Variants in TGM2 observed in about 807,000 individuals in gnomAD.
The protein encoded by TGM2 is transglutaminase 2, also known as protein-glutamine gamma-glutamyltransferase 2.
TGM2 carries 53 observed loss-of-function variants against 75.6 expected under a neutral mutation model. That is an observed-to-expected ratio of 0.70 (90% CI 0.56 to 0.88). The LOEUF (loss-of-function observed/expected upper bound fraction) is 0.88. TGM2 is among the 40% of genes least tolerant of loss of function. The pLI is 0.00. For synonymous variants in TGM2, 374 were observed against 381.1 expected (o/e 0.98, Z 0.22); for missense variants, 842 against 928.5 (o/e 0.91, Z 1.21).
At chr20:38,132,117 C>T (rs1482907902) in intron 11 of TGM2, among the ~76,000 whole-genome samples, 2 of 152,104 alleles carry the variant, frequency 1.3e-5, no homozygotes, top group Non-Finnish European at 2.9e-5. Flanking sequence ...TTCCATGACC[C>T]TAACACTCTG....
intron 12 of TGM2, 135 bp downstream of exon 12, chr20:38,130,957 TG>T: frequency 7.2e-7 from 1 of 1,388,630 alleles, no homozygotes; most frequent in Non-Finnish European, 9.9e-7. Flanking sequence ...CCAGGGTGTC[TG>T]GGAGTGGGCA....
intron 2 of TGM2, among the ~76,000 whole-genome samples, chr20:38,156,958 G>A (rs1369797712): frequency 6.6e-6 from 1 of 152,162 alleles, no homozygotes; most frequent in East Asian, 1.9e-4. Context: ...GCACAGTGAT[G>A]GGCACACTCT....
chr20:38,142,244 C>A (rs200954087), intron 6 of TGM2, 45 bp from the exon 7 acceptor site: 6 of 1,610,674 alleles, frequency 3.7e-6, no homozygotes, highest in Admixed American at 3.3e-5. Context: ...TGGAGACATC[C>A]GCCCTGCTCT....
chr20:38,147,036 C>T lies in TGM2; in HGVS notation c.682-142G>A, dbSNP rs901631881. 3.1e-5 allele frequency: 26 copies of T among 841,692 alleles called. 1 individual carries two copies. Among genetic ancestry groups the T allele is most frequent in the Admixed American group, 2.1e-5 (1 of 47,366 alleles). 52.1% of individuals were successfully genotyped at this position (841,692 alleles called of 1,614,324 possible). Reference sequence around the variant, plus strand: ...GAAAGAGCAGGTGCAAAGGGGCCATCGTGTGACAGACTGGTGTGCGGCAGA... The same window carrying T: ...GAAAGAGCAGGTGCAAAGGGGCCATTGTGTGACAGACTGGTGTGCGGCAGA... On this transcript the variant is annotated intron_variant, in intron 5 of 12. Coordinates refer to ENST00000361475, the MANE Select transcript of TGM2 (RefSeq NM_004613.4).
intron 12 of TGM2, 133 bp downstream of exon 12, chr20:38,130,960 G>C: frequency 1.4e-6 from 2 of 1,401,504 alleles, no homozygotes; most frequent in Non-Finnish European, 2.0e-6. Flanking sequence ...GGGTGTCTGG[G>C]AGTGGGCACA....
chr20:38,130,360 G>A lies in TGM2; in HGVS notation c.1923C>T (p.Pro641=), dbSNP rs2229472. Residue 641 remains proline, a synonymous_variant, in exon 13 of 13, where the codon CCC becomes CCT. Transcript: ENST00000361475. ...CCTTAACTTCCTCCCCTGCCTCCAC[G>A]GGGTCTGGGCTGCAGGGAGAGAGGG... ...EEQKTVEIPD[P]VEAGEEVKVR... The A allele has an allele frequency of 2.1e-3, 3,418 of 1,592,258 alleles. 55 individuals carry two copies. In the African/African-American group the frequency reaches 0.038, roughly 18 times the overall value.
chr20:38,135,123 A>G (rs1196696745), intron 10 of TGM2, among the ~76,000 whole-genome samples: 1 of 152,244 alleles, frequency 6.6e-6, no homozygotes, highest in African/African-American at 2.4e-5. Context: ...CCAGTGCGGA[A>G]CAATGCTCTC....
intron 2 of TGM2, among the ~76,000 whole-genome samples, chr20:38,158,164 C>A (rs962223753): frequency 1.3e-5 from 2 of 152,258 alleles, no homozygotes; most frequent in Admixed American, 1.3e-4. Flanking sequence ...TCATCACTGT[C>A]GCTGTTGACA....
Position 38,160,431 on chromosome 20 carries a change from C to T in TGM2, c.190+989G>A, listed in dbSNP as rs569307573. ...GGTGTCCCTTTACCTATCCCTGGGG[C>T]CCCAGTACAAAGATAAGTAACAGCT... On this transcript the variant is annotated intron_variant, in intron 2 of 12. Transcript: ENST00000361475. 2.1e-3 allele frequency among the ~76,000 whole-genome samples: 326 copies of T among 152,320 alleles called. 1 individual carries two copies. The highest frequency in any genetic ancestry group is 0.01 in the Middle Eastern group (3 of 294).
Position 38,128,977 on chromosome 20 carries a change from G to A in TGM2, c.*1242C>T, listed in dbSNP as rs1259426189. On this transcript the variant is annotated 3_prime_UTR_variant, in exon 13 of 13. Coordinates refer to ENST00000361475, the MANE Select transcript of TGM2 (RefSeq NM_004613.4). ...TCATGGGTAGAGCAGGGGTGTCCAGGGCTCTTCTCCCCTAGAACTGGGGTC... is the reference window on the plus strand; with the variant it reads ...TCATGGGTAGAGCAGGGGTGTCCAGAGCTCTTCTCCCCTAGAACTGGGGTC... 1 of 152,482 alleles carries A rather than the reference G, an allele frequency of 6.6e-6. No homozygotes were observed. Among genetic ancestry groups the A allele is most frequent in the African/African-American group, 2.4e-5 (1 of 41,438 alleles). The allele number at this position is 152,482 out of a possible 1,614,324, so 9.4% of individuals were successfully genotyped here.
upstream of TGM2, among the ~76,000 whole-genome samples, chr20:38,166,894 G>A (rs74337221): frequency 0.02 from 3,087 of 152,272 alleles, 109 homozygotes; most frequent in African/African-American, 0.07. Flanking sequence ...AAAGAGCAGC[G>A]TGAGGAGAAT....
At chr20:38,146,509 A>C (rs1390376838) in intron 6 of TGM2, 1 of 701,348 alleles carries the variant, frequency 1.4e-6, no homozygotes, top group Admixed American at 2.1e-5. Flanking sequence ...CAGTCTCTCC[A>C]ATGATAGCCC....
intron 10 of TGM2, chr20:38,133,159 C>A: frequency 3.7e-6 from 1 of 272,730 alleles, no homozygotes; most frequent in Non-Finnish European, 7.4e-6. Flanking sequence ...ACAATATGGT[C>A]CACACTCACT....
intron 9 of TGM2, among the ~76,000 whole-genome samples, chr20:38,139,136 C>A (rs2074937207): frequency 6.6e-6 from 1 of 152,172 alleles, no homozygotes; most frequent in Non-Finnish European, 1.5e-5. Flanking sequence ...GTGCTCAAAT[C>A]CAATTTTTAA....
intron 10 of TGM2, chr20:38,132,937 C>A: frequency 2.3e-6 from 1 of 442,202 alleles, no homozygotes; most frequent in Non-Finnish European, 4.6e-6. Flanking sequence ...GGATCAGAGC[C>A]GACATCTGCT....
chr20:38,158,884 A>T (rs979311087), intron 2 of TGM2, among the ~76,000 whole-genome samples: 12 of 152,026 alleles, frequency 7.9e-5, no homozygotes, highest in African/African-American at 2.7e-4. Flanking sequence ...GAGTTGGGGG[A>T]GGGCCTGGTT....
intron 6 of TGM2, among the ~76,000 whole-genome samples, chr20:38,142,820 C>A (rs2074992468): frequency 6.6e-6 from 1 of 152,238 alleles, no homozygotes; most frequent in East Asian, 1.9e-4. Context: ...CTTGGCCCTG[C>A]AGGGTCTGGC....
chr20:38,129,860 C>T lies in TGM2; in HGVS notation c.*359G>A. On this transcript the variant is annotated 3_prime_UTR_variant, in exon 13 of 13. Transcript: ENST00000361475. ...GCATGCTGTCCCTTTTTTGCCTGCTCCAAGGAGCTATGAAGTAGATCAAAC... is the reference window on the plus strand; with the variant it reads ...GCATGCTGTCCCTTTTTTGCCTGCTTCAAGGAGCTATGAAGTAGATCAAAC... 3.6e-6 allele frequency: 1 copy of T among 275,856 alleles called. No individual in the cohort carries two copies. Among genetic ancestry groups the T allele is most frequent in the Non-Finnish European group, 7.1e-6 (1 of 141,346 alleles). 17.1% of individuals were successfully genotyped at this position (275,856 alleles called of 1,614,324 possible). A position where few individuals can be genotyped will look rare whatever the true frequency, so the allele number is the denominator to read the frequency against.
At chr20:38,156,586 C>G (rs2075190712) in intron 2 of TGM2, among the ~76,000 whole-genome samples, 1 of 152,250 alleles carries the variant, frequency 6.6e-6, no homozygotes, top group South Asian at 2.1e-4. Flanking sequence ...GAAGGGACCT[C>G]GGTCCTCTGA....
Sources: allele counts gnomAD v4.1 joint callset (sites outside exome capture counted in the v4.1 genomes callset), GRCh38; gene constraint gnomAD v4.1.1; transcripts MANE v1.5; gene names NCBI Gene and HGNC (gene_info 2026-07-23, HGNC 2026-07-21).